AGR2: variants seen among roughly 807,000 people sequenced by gnomAD.
AGR2 encodes the protein anterior gradient protein 2 homolog.
A neutral mutation model predicts 25.9 loss-of-function variants in AGR2; 27 were observed. The ratio of observed to expected loss-of-function variants is 1.04; its 90% confidence interval spans 0.77 to 1.44. The LOEUF (loss-of-function observed/expected upper bound fraction) is 1.44. Ranked by LOEUF, AGR2 falls within the 40% of genes most tolerant of loss-of-function variation. The pLI is 0.00. For synonymous variants in AGR2, 78 were observed against 72.0 expected (o/e 1.08, Z -0.42); for missense variants, 182 against 200.9 (o/e 0.91, Z 0.57).
chr7:16,797,786 G>T, intron 5 of AGR2, 92 bp from the exon 6 acceptor site: 1 of 972,988 alleles, frequency 1.0e-6, no homozygotes. Context: ...TTTCCGGCCA[G>T]GCATCTCAAG....
chr7:16,796,423 ATTTC>A (rs1414852681), intron 6 of AGR2, among the ~76,000 whole-genome samples: 1 of 151,944 alleles, frequency 6.6e-6, no homozygotes, highest in Non-Finnish European at 1.5e-5. Context: ...CTTTTTTTCT[ATTTC>A]TTGTTTTTCT....
intron 1 of AGR2, among the ~76,000 whole-genome samples, chr7:16,802,286 G>C (rs1017723267): frequency 2.0e-5 from 3 of 152,052 alleles, no homozygotes; most frequent in African/African-American, 7.2e-5. Context: ...TGTATGCATA[G>C]GAAAAAACAT....
intron 1 of AGR2, among the ~76,000 whole-genome samples, chr7:16,803,418 G>A (rs559718875): frequency 2.6e-5 from 4 of 152,266 alleles, no homozygotes; most frequent in Admixed American, 1.3e-4. Context: ...GGTTTTGAAT[G>A]AAGTCAAATA....
intron 5 of AGR2, 129 bp from the exon 6 acceptor site, chr7:16,797,823 T>C: frequency 1.5e-6 from 1 of 675,690 alleles, no homozygotes; most frequent in Non-Finnish European, 2.5e-6. Flanking sequence ...ACACAGAGTT[T>C]ATTGTACAGA....
chr7:16,793,284 A>G (rs1401758123), intron 7 of AGR2, among the ~76,000 whole-genome samples: 2 of 152,090 alleles, frequency 1.3e-5, no homozygotes, highest in African/African-American at 2.4e-5. Context: ...CCTGAGCTCA[A>G]GTGATCCACA....
intron 1 of AGR2, among the ~76,000 whole-genome samples, chr7:16,803,569 T>C (rs1785184172): frequency 6.6e-6 from 1 of 152,240 alleles, no homozygotes; most frequent in African/African-American, 2.4e-5. Context: ...TGTATTTAAC[T>C]GACCAATGAT....
At chr7:16,796,682 G>T (rs1047690600) in intron 6 of AGR2, among the ~76,000 whole-genome samples, 5 of 152,144 alleles carry the variant, frequency 3.3e-5, no homozygotes, top group African/African-American at 9.7e-5. Flanking sequence ...TGCCATAGGG[G>T]CTTATAGTCC....
chr7:16,797,994 G>A (rs2280654), intron 5 of AGR2, among the ~76,000 whole-genome samples: 29,607 of 152,172 alleles, frequency 0.19, 3,030 homozygotes, highest in South Asian at 0.35. Flanking sequence ...AGGCTATTAA[G>A]GAAAAAAGCA....
intron 6 of AGR2, among the ~76,000 whole-genome samples, chr7:16,796,953 G>A (rs1190911152): frequency 1.3e-5 from 2 of 150,556 alleles, no homozygotes; most frequent in Non-Finnish European, 3.0e-5. Flanking sequence ...ACAGAATCTC[G>A]CTCTGTTGCC....
intron 1 of AGR2, among the ~76,000 whole-genome samples, chr7:16,803,840 G>T (rs1322639420): frequency 6.6e-6 from 1 of 152,106 alleles, no homozygotes; most frequent in East Asian, 1.9e-4. Flanking sequence ...TGGAATACTG[G>T]CTGGTTCAGA....
chr7:16,801,862 C>A, intron 1 of AGR2, 59 bp from the exon 2 acceptor site: 1 of 1,504,278 alleles, frequency 6.6e-7, no homozygotes, highest in South Asian at 1.3e-5. Context: ...TCTTCAGGGT[C>A]TGCAGGTTGC....
intron 5 of AGR2, 65 bp from the exon 6 acceptor site, chr7:16,797,759 A>G (rs1190240684): frequency 7.2e-6 from 10 of 1,380,448 alleles, no homozygotes; most frequent in Non-Finnish European, 1.0e-5. Flanking sequence ...AAACTTGTTA[A>G]TACAAGAATC....
intron 5 of AGR2, among the ~76,000 whole-genome samples, 174 bp from the exon 6 acceptor site, chr7:16,797,868 AAGAT>A (rs1387345033): frequency 3.3e-5 from 5 of 152,220 alleles, no homozygotes; most frequent in African/African-American, 9.6e-5. Context: ...AATAATAAAT[AAGAT>A]AGAGCAGAAC....
At chr7:16,793,130 C>G (rs867415094) in intron 7 of AGR2, among the ~76,000 whole-genome samples, 173 bp from the exon 8 acceptor site, 1 of 152,100 alleles carries the variant, frequency 6.6e-6, no homozygotes, top group Non-Finnish European at 1.5e-5. Context: ...CTCAGTGCAA[C>G]CTCTGCCTCC....
intron 5 of AGR2, among the ~76,000 whole-genome samples, chr7:16,798,640 G>A (rs577083636): frequency 5.9e-5 from 9 of 152,318 alleles, no homozygotes; most frequent in Non-Finnish European, 1.2e-4. Context: ...TAGACCAGGA[G>A]CCATTTAGCA....
chr7:16,801,496 A>C, intron 2 of AGR2, 113 bp from the exon 3 acceptor site: 1 of 1,326,514 alleles, frequency 7.5e-7, no homozygotes, highest in Non-Finnish European at 1.1e-6. Flanking sequence ...AAGAAGAAAA[A>C]CCCCTGGAGA....
In AGR2 at chr7:16,799,785, T is replaced by G; in HGVS notation, c.289A>C (p.Ile97Leu). The G allele has an allele frequency of 6.2e-7, 1 of 1,613,364 alleles. No homozygotes were observed. The highest frequency in any genetic ancestry group is 1.1e-5 in the South Asian group (1 of 90,994). ...ACAAACTGCTCTGCCAATTTCTGGA[T>G]TTCTTTATTTTCAGCAAACACTTTC... ...LKKVFAENKE[I>L]QKLAEQFVLL... Residue 97 changes from isoleucine (I) to leucine (L), a missense_variant, in exon 5 of 8, where the codon ATC (isoleucine) becomes CTC (leucine). Coordinates refer to ENST00000419304, the MANE Select transcript of AGR2 (RefSeq NM_006408.4).
At chr7:16,793,069 G>A in intron 7 of AGR2, 112 bp from the exon 8 acceptor site, 1 of 1,001,080 alleles carries the variant, frequency 1.0e-6, no homozygotes, top group Non-Finnish European at 1.5e-6. Context: ...TTTTTTTTTT[G>A]AGACAAGGTC....
intron 4 of AGR2, among the ~76,000 whole-genome samples, chr7:16,800,026 T>G (rs530688409): frequency 1.3e-5 from 2 of 151,190 alleles, no homozygotes; most frequent in African/African-American, 4.9e-5. Context: ...CATTCATTCA[T>G]CAATTCATTT....
Sources: gnomAD v4.1 joint callset for allele counts (sites outside exome capture counted in the v4.1 genomes callset) on GRCh38, gnomAD v4.1.1 for gene constraint, MANE v1.5 for transcripts, NCBI Gene and HGNC (gene_info 2026-07-23, HGNC 2026-07-21) for gene names.